ORMDL3: variants seen among roughly 807,000 people sequenced by gnomAD.
The protein encoded by ORMDL3 is ORM1-like protein 3.
ORMDL3 carries 6 observed loss-of-function variants against 12.6 expected under a neutral mutation model. The observed-to-expected ratio is 0.48, with a 90% CI of 0.26 to 0.94. The LOEUF is 0.94. Among genes scored for constraint, ORMDL3 ranks in the 40% least tolerant of loss-of-function variants. ORMDL3 has a pLI of 0.14. For missense variants in ORMDL3, 159 were observed against 205.5 expected (o/e 0.77, Z 1.38); for synonymous variants, 99 against 87.2 (o/e 1.14, Z -0.75).
intron 1 of ORMDL3, chr17:39,925,093 A>G (rs1210178771): frequency 3.9e-5 from 6 of 152,134 alleles, no homozygotes; most frequent in Non-Finnish European, 1.5e-5. Flanking sequence ...ACCTCAACAT[A>G]TGTCTCCTAA....
intron 1 of ORMDL3, chr17:39,927,238 C>G (rs1254207033): frequency 5.0e-6 from 1 of 201,864 alleles, no homozygotes; most frequent in Non-Finnish European, 8.8e-6. Context: ...TCCCCGAAGC[C>G]GAGCCGCTCC....
In ORMDL3 at chr17:39,927,543, C is replaced by T. The variant is rs1598289231; in HGVS notation, c.-82G>A. ...TTCCCGGGAGCGGGGGCCGCTGCTGCTCCAGCAGCTGTAACAACCCGCGGC... is the reference window on the plus strand; with the variant it reads ...TTCCCGGGAGCGGGGGCCGCTGCTGTTCCAGCAGCTGTAACAACCCGCGGC... On this transcript the variant is annotated 5_prime_UTR_variant, in exon 1 of 4. Coordinates refer to ENST00000304046, the MANE Select transcript of ORMDL3 (RefSeq NM_139280.4). 3 of 985,528 alleles carry T rather than the reference C, an allele frequency of 3.0e-6. No individual in the cohort carries two copies. Among genetic ancestry groups the T allele is most frequent in the East Asian group, 1.1e-4 (1 of 8,810 alleles). The allele number at this position is 985,528 out of a possible 1,614,324, so 61.0% of individuals were successfully genotyped here. A position where few individuals can be genotyped will look rare whatever the true frequency, so the allele number is the denominator to read the frequency against.
chr17:39,921,045 C>G lies in ORMDL3; in HGVS notation c.*1505G>C, dbSNP rs145809834. ...GAAGCGAAGGCCAGACACAGGGAAA[C>G]AGAAACATGTTGCCCTTTTATTTGC... On this transcript the variant is annotated 3_prime_UTR_variant, in exon 4 of 4. Transcript: ENST00000304046. The G allele has an allele frequency of 0.016, 2,500 of 152,992 alleles. 27 individuals are homozygous for G. The highest frequency in any genetic ancestry group is 0.025 in the Non-Finnish European group (1,674 of 68,064). The allele number at this position is 152,992 out of a possible 1,614,324, so 9.5% of individuals were successfully genotyped here. A position where few individuals can be genotyped will look rare whatever the true frequency, so the allele number is the denominator to read the frequency against.
chr17:39,927,589 C>A lies in ORMDL3; in HGVS notation c.-128G>T. Reference sequence around the variant, plus strand: ...GCGGCTGCAGCCTCCCCGCTGGCAGCTCCGGCCGAATCAGCGCTCCGCGCC... The same window carrying A: ...GCGGCTGCAGCCTCCCCGCTGGCAGATCCGGCCGAATCAGCGCTCCGCGCC... On this transcript the variant is annotated 5_prime_UTR_variant, in exon 1 of 4. Transcript: ENST00000304046. 3.0e-6 allele frequency: 3 copies of A among 985,824 alleles called. No individual in the cohort carries two copies. Among genetic ancestry groups the A allele is most frequent in the Non-Finnish European group, 3.6e-6 (3 of 830,180 alleles). The allele number at this position is 985,824 out of a possible 1,614,324, so 61.1% of individuals were successfully genotyped here.
chr17:39,926,903 A>G, intron 1 of ORMDL3: 4 of 986,112 alleles, frequency 4.1e-6, no homozygotes, highest in Non-Finnish European at 4.8e-6. Flanking sequence ...TCACAATGCC[A>G]TGTCCATTCC....
intron 1 of ORMDL3, chr17:39,925,297 G>A (rs1978350968): frequency 6.6e-6 from 1 of 152,536 alleles, no homozygotes; most frequent in African/African-American, 2.4e-5. Flanking sequence ...AGTGAGCAGA[G>A]GGAAGTAGAG....
rs1259069493 is a variant in ORMDL3 at position 39,922,453 on chromosome 17, T to C, written c.*97A>G. The C allele has an allele frequency of 1.2e-5, 16 of 1,368,634 alleles. No individual in the cohort carries two copies. Among genetic ancestry groups the C allele is most frequent in the Non-Finnish European group, 1.6e-5 (16 of 1,015,380 alleles). The allele number at this position is 1,368,634 out of a possible 1,614,324, so 84.8% of individuals were successfully genotyped here. On this transcript the variant is annotated 3_prime_UTR_variant, in exon 4 of 4. Coordinates refer to ENST00000304046, the MANE Select transcript of ORMDL3 (RefSeq NM_139280.4). ...GAGGCTCAACCCCCATCTCTGGCAG[T>C]GTCCAGAGGCTTCTTCTTTCTGTCT...
Position 39,921,352 on chromosome 17 carries a change from C to T in ORMDL3, c.*1198G>A, listed in dbSNP as rs927541184. The T allele has an allele frequency of 6.6e-6, 1 of 152,510 alleles. No homozygotes were observed. The highest frequency in any genetic ancestry group is 6.5e-5 in the Admixed American group (1 of 15,280). The allele number at this position is 152,510 out of a possible 1,614,324, so 9.4% of individuals were successfully genotyped here. ...TCACTTTCTTCTCTGCAGGCTGAGA[C>T]AGTGCCTACAGGCCACGTCTTGCCC... On this transcript the variant is annotated 3_prime_UTR_variant, in exon 4 of 4. Coordinates refer to ENST00000304046, the MANE Select transcript of ORMDL3 (RefSeq NM_139280.4).
chr17:39,923,888 G>C, intron 2 of ORMDL3, 142 bp downstream of exon 2: 1 of 822,786 alleles, frequency 1.2e-6, no homozygotes, highest in Non-Finnish European at 1.8e-6. Flanking sequence ...GGCTAGGCCT[G>C]GGCTCTGGAG....
intron 2 of ORMDL3, 24 bp from the exon 3 acceptor site, chr17:39,923,287 A>T (rs751532645): frequency 6.2e-7 from 1 of 1,612,842 alleles, no homozygotes; most frequent in Non-Finnish European, 8.5e-7. Context: ...TCTTTGTTAG[A>T]GGATACAAAA....
rs769142459 is a variant in ORMDL3, at chr17:39,921,148, CTA to C, written c.*1400_*1401del. ...AGAAAGATTTTAAGGTGAAAGTTCC[CTA>C]TGATACACGGGGTGGGAGATGCAGG... On this transcript the variant is annotated 3_prime_UTR_variant, in exon 4 of 4. Transcript: ENST00000304046. The C allele has an allele frequency of 6.5e-6, 1 of 152,822 alleles. No homozygotes were observed. The highest frequency in any genetic ancestry group is 2.4e-5 in the African/African-American group (1 of 41,452). The allele number at this position is 152,822 out of a possible 1,614,324, so 9.5% of individuals were successfully genotyped here.
chr17:39,923,369 C>A, intron 2 of ORMDL3, 106 bp from the exon 3 acceptor site: 1 of 1,323,856 alleles, frequency 7.6e-7, no homozygotes, highest in Non-Finnish European at 1.1e-6. Context: ...CTGGAGCCTC[C>A]CTCTGCTGGG....
rs1331547665 is a variant in ORMDL3 at position 39,927,482 on chromosome 17, A to C, written c.-23+2T>G. Reference sequence around the variant, plus strand: ...GGGCCTCTTGGTTCCTTCCGGGCTCACCGTGTGGGGCCGAAGATCAACGGC... The same window carrying C: ...GGGCCTCTTGGTTCCTTCCGGGCTCCCCGTGTGGGGCCGAAGATCAACGGC... On this transcript the variant is annotated splice_donor_variant, in intron 1 of 3. Coordinates refer to ENST00000304046, the MANE Select transcript of ORMDL3 (RefSeq NM_139280.4). LOFTEE classifies it low-confidence loss of function (5UTR_SPLICE). The C allele has an allele frequency of 1.0e-6, 1 of 984,296 alleles. No homozygotes were observed. Among genetic ancestry groups the C allele is most frequent in the African/African-American group, 1.8e-5 (1 of 56,726 alleles). The allele number at this position is 984,296 out of a possible 1,614,324, so 61.0% of individuals were successfully genotyped here. A position where few individuals can be genotyped will look rare whatever the true frequency, so the allele number is the denominator to read the frequency against.
In ORMDL3 at chr17:39,923,011, T is replaced by C. The variant is rs990560942; in HGVS notation, c.326+101A>G. 10 of 1,478,290 alleles carry C rather than the reference T, an allele frequency of 6.8e-6. No individual in the cohort carries two copies. In the African/African-American group the frequency reaches 9.7e-5, roughly 14 times the overall value. The allele number at this position is 1,478,290 out of a possible 1,614,324, so 91.6% of individuals were successfully genotyped here. A position where few individuals can be genotyped will look rare whatever the true frequency, so the allele number is the denominator to read the frequency against. On this transcript the variant is annotated intron_variant, in intron 3 of 3. Coordinates refer to ENST00000304046, the MANE Select transcript of ORMDL3 (RefSeq NM_139280.4). ...TATTCCAACTTCCTCTGTTCATCCC[T>C]ACACCAGGAGCCACGGCAGGGTTAA... is the stretch of plus-strand genomic sequence containing the variant.
chr17:39,921,448 A>C lies in ORMDL3; in HGVS notation c.*1102T>G, dbSNP rs1183254891. 6.6e-6 allele frequency: 1 copy of C among 152,426 alleles called. No individual in the cohort carries two copies. The highest frequency in any genetic ancestry group is 1.9e-4 in the East Asian group (1 of 5,322). 9.4% of individuals were successfully genotyped at this position (152,426 alleles called of 1,614,324 possible). ...CAGACCCCACATGGGGTGGCCTCAC[A>C]ACGCCACATGTGGCTGCCACATGAG... is the stretch of plus-strand genomic sequence containing the variant. On this transcript the variant is annotated 3_prime_UTR_variant, in exon 4 of 4. Coordinates refer to ENST00000304046, the MANE Select transcript of ORMDL3 (RefSeq NM_139280.4).
chr17:39,923,665 G>A (rs1432426343), intron 2 of ORMDL3, among the ~76,000 whole-genome samples: 1 of 152,174 alleles, frequency 6.6e-6, no homozygotes, highest in African/African-American at 2.4e-5. Context: ...GGTTCGAGAA[G>A]CTAACTTGAG....
chr17:39,926,775 C>T (rs531468995), intron 1 of ORMDL3: 1 of 985,980 alleles, frequency 1.0e-6, no homozygotes, highest in Non-Finnish European at 1.2e-6. Context: ...GAGCCCTTCC[C>T]ATTCCCTCCC....
In ORMDL3 at chr17:39,924,211, C is replaced by A; in HGVS notation, c.-8G>T. On this transcript the variant is annotated 5_prime_UTR_variant, in exon 2 of 4. Coordinates refer to ENST00000304046, the MANE Select transcript of ORMDL3 (RefSeq NM_139280.4). ...CGCTGTGCCCACATTCATCCTGCTG[C>A]CCCTCTCTGCTGTTCTGCAAACAAG... The A allele has an allele frequency of 1.3e-6, 2 of 1,595,750 alleles. No individual in the cohort carries two copies. The highest frequency in any genetic ancestry group is 8.5e-7 in the Non-Finnish European group (1 of 1,170,170).
intron 1 of ORMDL3, among the ~76,000 whole-genome samples, chr17:39,925,004 CAGGGCCCTTTTCCCCACA>C (rs1978339999): frequency 6.6e-6 from 1 of 152,160 alleles, no homozygotes; most frequent in Non-Finnish European, 1.5e-5. Context: ...GCCAAACCAC[CAGGGCCCTTTTCCCCACA>C]AGAGAGGCGA....
Sources: allele counts gnomAD v4.1 joint callset (sites outside exome capture counted in the v4.1 genomes callset), GRCh38; gene constraint gnomAD v4.1.1; transcripts MANE v1.5; gene names NCBI Gene and HGNC (gene_info 2026-07-23, HGNC 2026-07-21).